SHLD2: variants seen among roughly 807,000 people sequenced by gnomAD.
The protein encoded by SHLD2 is shieldin complex subunit 2.
A neutral mutation model predicts 73.2 loss-of-function variants in SHLD2; 30 were observed. That is an observed-to-expected ratio of 0.41 (90% confidence interval 0.31 to 0.56). The LOEUF is 0.56. SHLD2 is among the 20% of genes least tolerant of loss of function. SHLD2 has a pLI of 0.28. For missense variants in SHLD2, 745 were observed against 1,055.9 expected (o/e 0.71, Z 4.08); for synonymous variants, 285 against 370.1 (o/e 0.77, Z 2.64).
At chr10:87,183,068 C>T (rs1335719337) in intron 8 of SHLD2, among the ~76,000 whole-genome samples, 1 of 152,130 alleles carries the variant, frequency 6.6e-6, no homozygotes, top group Admixed American at 6.6e-5. Context: ...CGGTAAGAGG[C>T]TGTTGCCTTA....
intron 2 of SHLD2, among the ~76,000 whole-genome samples, chr10:87,118,989 C>T (rs1221101159): frequency 2.6e-5 from 4 of 151,646 alleles, no homozygotes; most frequent in African/African-American, 9.7e-5. Flanking sequence ...TAAGACAGTT[C>T]ATACAGTATC....
chr10:87,168,533 A>C (rs567826644), intron 4 of SHLD2, among the ~76,000 whole-genome samples: 1 of 150,456 alleles, frequency 6.6e-6, no homozygotes, highest in East Asian at 1.9e-4. Context: ...CAGGAGGTGG[A>C]GTTTACAGTG....
At chr10:87,140,753 G>A (rs1159016062) in intron 2 of SHLD2, among the ~76,000 whole-genome samples, 1 of 151,934 alleles carries the variant, frequency 6.6e-6, no homozygotes, top group African/African-American at 2.4e-5. Context: ...CTGAGGCCTG[G>A]AGTTTGAGAC....
chr10:87,187,975 T>A (rs182689847), intron 9 of SHLD2, among the ~76,000 whole-genome samples: 5 of 152,272 alleles, frequency 3.3e-5, no homozygotes, highest in Non-Finnish European at 7.4e-5. Context: ...TGGTGGGAAG[T>A]GGTTCCCCAG....
chr10:87,164,549 G>A (rs1358195556), intron 4 of SHLD2, among the ~76,000 whole-genome samples: 1 of 152,070 alleles, frequency 6.6e-6, no homozygotes, highest in Non-Finnish European at 1.5e-5. Context: ...CATTGTGCCT[G>A]GCCAACATAG....
intron 2 of SHLD2, among the ~76,000 whole-genome samples, chr10:87,110,112 G>C (rs1016875594): frequency 6.6e-6 from 1 of 151,146 alleles, no homozygotes; most frequent in Non-Finnish European, 1.5e-5. Context: ...AACATAGTGA[G>C]ACCCTGTCTC....
At chr10:87,095,990 T>C (rs1841838499) in intron 1 of SHLD2, among the ~76,000 whole-genome samples, 1 of 152,230 alleles carries the variant, frequency 6.6e-6, no homozygotes, top group South Asian at 2.1e-4. Flanking sequence ...AGGAAATTCT[T>C]TCTCAGGAAT....
At chr10:87,190,433 C>G in intron 9 of SHLD2, 51 bp from the exon 10 acceptor site, 1 of 1,417,718 alleles carries the variant, frequency 7.1e-7, no homozygotes, top group East Asian at 2.3e-5. Context: ...TGTGTGTGCT[C>G]CTGTCAAGCT....
chr10:87,105,786 C>A (rs1842557551), intron 2 of SHLD2, among the ~76,000 whole-genome samples: 1 of 152,180 alleles, frequency 6.6e-6, no homozygotes, highest in Non-Finnish European at 1.5e-5. Context: ...GCAGTTTCCT[C>A]CTGTGCATAT....
chr10:87,166,608 C>G (rs567376424), intron 4 of SHLD2, among the ~76,000 whole-genome samples: 38 of 152,264 alleles, frequency 2.5e-4, no homozygotes, highest in Non-Finnish European at 4.1e-4. Context: ...ATTTCAAGGG[C>G]TCAGTGGCTC....
intron 2 of SHLD2, among the ~76,000 whole-genome samples, chr10:87,109,355 A>G (rs1842788838): frequency 6.6e-6 from 1 of 151,088 alleles, no homozygotes; most frequent in Non-Finnish European, 1.5e-5. Context: ...CTGGAGTGCA[A>G]TGGCTCGATC....
At chr10:87,114,637 A>G (rs1297887036) in intron 2 of SHLD2, among the ~76,000 whole-genome samples, 2 of 152,158 alleles carry the variant, frequency 1.3e-5, no homozygotes, top group Admixed American at 6.6e-5. Context: ...AGGCAGGAGA[A>G]TCACTTGAAC....
chr10:87,112,109 GTGCC>G (rs1842964120), intron 2 of SHLD2, among the ~76,000 whole-genome samples: 1 of 151,392 alleles, frequency 6.6e-6, no homozygotes, highest in South Asian at 2.1e-4. Flanking sequence ...GTAGTGGCGG[GTGCC>G]TGTAGTCCCA....
chr10:87,133,294 C>T (rs898980295), intron 2 of SHLD2, among the ~76,000 whole-genome samples: 11 of 152,002 alleles, frequency 7.2e-5, no homozygotes, highest in African/African-American at 2.7e-4. Flanking sequence ...GTGCTTTAGG[C>T]CTCTTGATTA....
intron 2 of SHLD2, among the ~76,000 whole-genome samples, chr10:87,129,729 TC>T (rs1353330559): frequency 6.6e-6 from 1 of 151,890 alleles, no homozygotes; most frequent in African/African-American, 2.4e-5. Flanking sequence ...CAAGCGATCC[TC>T]CTGCCCTAGC....
chr10:87,158,148 T>C lies in SHLD2; in HGVS notation c.1626T>C (p.Pro542=). ...TTGGGAGTTATTCATCTATTCAGCC[T>C]GAAGAATGTAAGGCACATTTTAAAT... ...LNLGSYSSIQ[P]EEYSSVVSEV... is the part of the protein sequence containing the mutation. The change falls in exon 4 of 10, where the codon CCT becomes CCC. Residue 542 remains proline (P), a synonymous_variant. Transcript: ENST00000298786. 1 of 1,610,516 alleles carries C rather than the reference T, an allele frequency of 6.2e-7. No individual in the cohort carries two copies. The highest frequency in any genetic ancestry group is 8.5e-7 in the Non-Finnish European group (1 of 1,179,056).
At chr10:87,178,144 G>A (rs1325715968) in intron 7 of SHLD2, among the ~76,000 whole-genome samples, 2 of 136,146 alleles carry the variant, frequency 1.5e-5, no homozygotes, top group East Asian at 2.4e-4. Context: ...GCTGAGGCAG[G>A]AAAATTGCTT....
At chr10:87,165,665 A>G (rs1269212855) in intron 4 of SHLD2, among the ~76,000 whole-genome samples, 2 of 152,246 alleles carry the variant, frequency 1.3e-5, no homozygotes, top group African/African-American at 2.4e-5. Context: ...AGAGGAGACC[A>G]AAGAGAAATA....
chr10:87,131,935 T>G (rs1589506031), intron 2 of SHLD2, among the ~76,000 whole-genome samples: 1 of 152,334 alleles, frequency 6.6e-6, no homozygotes, highest in East Asian at 1.9e-4. Flanking sequence ...TGGTATCTTT[T>G]TGTTTTGATT....
Sources: allele counts gnomAD v4.1 joint callset (sites outside exome capture counted in the v4.1 genomes callset), GRCh38; gene constraint gnomAD v4.1.1; transcripts MANE v1.5; gene names NCBI Gene and HGNC (gene_info 2026-07-23, HGNC 2026-07-21).